NXN: variants seen among roughly 807,000 people sequenced by gnomAD.
NXN encodes the protein nucleoredoxin.
NXN carries 16 observed loss-of-function variants against 48.6 expected under a neutral mutation model. The ratio of observed to expected loss-of-function variants is 0.33; its 90% CI spans 0.22 to 0.50. The LOEUF (loss-of-function observed/expected upper bound fraction) is 0.50. Among genes scored for constraint, NXN ranks in the 20% least tolerant of loss-of-function variants. The pLI is 0.98. For synonymous variants in NXN, 281 were observed against 269.6 expected, an observed-to-expected ratio of 1.04 and a Z score of -0.41; for missense variants, 492 against 605.5, an observed-to-expected ratio of 0.81 and a Z score of 1.97.
intron 1 of NXN, among the ~76,000 whole-genome samples, chr17:968,716 T>C (rs1210052248): frequency 6.6e-6 from 1 of 152,110 alleles, no homozygotes; most frequent in Non-Finnish European, 1.5e-5. Flanking sequence ...GGCAGGCGGA[T>C]CGCTTGAGGT....
At chr17:842,544 A>G (rs1914389443) in intron 1 of NXN, 1 of 985,272 alleles carries the variant, frequency 1.0e-6, no homozygotes, top group Non-Finnish European at 1.2e-6. Flanking sequence ...CGCCAACCAG[A>G]GGCACCTACG....
At chr17:812,791 G>T (rs968139041) in intron 5 of NXN, among the ~76,000 whole-genome samples, 1 of 147,404 alleles carries the variant, frequency 6.8e-6, no homozygotes, top group African/African-American at 2.5e-5. Context: ...CATGTGTGTA[G>T]GTGTGTGTGC....
At chr17:863,649 A>G (rs2068064267) in intron 1 of NXN, among the ~76,000 whole-genome samples, 1 of 151,846 alleles carries the variant, frequency 6.6e-6, no homozygotes, top group African/African-American at 2.4e-5. Flanking sequence ...ATTTGTAGAG[A>G]TGGGGGTCTC....
intron 1 of NXN, among the ~76,000 whole-genome samples, chr17:957,580 C>T (rs76609628): frequency 0.03 from 4,449 of 148,960 alleles, 165 homozygotes; most frequent in African/African-American, 0.078. Context: ...TGCAGTGAGC[C>T]AAGATCAAGC....
chr17:826,732 C>T (rs1010161577), intron 1 of NXN, among the ~76,000 whole-genome samples: 4 of 152,146 alleles, frequency 2.6e-5, no homozygotes, highest in African/African-American at 7.2e-5. Flanking sequence ...TCACAGTCGT[C>T]GTTACGTTCA....
chr17:872,324 GAA>G (rs1567842693), intron 1 of NXN, among the ~76,000 whole-genome samples: 1 of 144,496 alleles, frequency 6.9e-6, no homozygotes, highest in Admixed American at 7.0e-5. Context: ...GAGAGAGAGA[GAA>G]ACATCAAAGA....
Position 958,577 on chromosome 17 carries a change from C to T in NXN, c.360+20742G>A, listed in dbSNP as rs1041136274. On this transcript the variant is annotated intron_variant, in intron 1 of 7. Coordinates refer to ENST00000336868, the MANE Select transcript of NXN (RefSeq NM_022463.5). This position sits in a 1 kb window ranked among gnomAD's most constrained non-coding sequence, Gnocchi z 6.9. ...CACGAGGTCAGGAGTTCGAGACCAG[C>T]CTGGCCAACATGGTGAAACCCCATC... Among the ~76,000 whole-genome samples the T allele has an allele frequency of 1.4e-4, 21 of 152,122 alleles. No homozygotes were observed. Among genetic ancestry groups the T allele is most frequent in the African/African-American group, 4.6e-4 (19 of 41,414 alleles).
chr17:910,209 G>A (rs999671432), intron 1 of NXN, among the ~76,000 whole-genome samples: 1 of 152,032 alleles, frequency 6.6e-6, no homozygotes, highest in African/African-American at 2.4e-5. Flanking sequence ...ACCAGGAGAC[G>A]GAGACCAGCC....
intron 1 of NXN, among the ~76,000 whole-genome samples, chr17:918,289 T>C (rs1221618492): frequency 1.3e-5 from 2 of 152,152 alleles, no homozygotes; most frequent in East Asian, 1.9e-4. Context: ...ATTAAGATTA[T>C]TTTCCTTTGT....
At chr17:946,721 C>T (rs913051039) in intron 1 of NXN, among the ~76,000 whole-genome samples, 6 of 152,240 alleles carry the variant, frequency 3.9e-5, no homozygotes, top group Admixed American at 1.3e-4. Context: ...CCGCAGCGGG[C>T]GACTGTACCG....
At chr17:931,790 A>G (rs62067216) in intron 1 of NXN, among the ~76,000 whole-genome samples, 41,864 of 136,670 alleles carry the variant, frequency 0.31, 7,318 homozygotes, top group East Asian at 0.42. Flanking sequence ...AGCTGAGATC[A>G]CGCCACTGCA....
intron 5 of NXN, among the ~76,000 whole-genome samples, chr17:806,182 CA>C (rs1233321470): frequency 3.5e-5 from 4 of 114,822 alleles, no homozygotes; most frequent in African/African-American, 8.2e-5. Flanking sequence ...CACCCCAGCA[CA>C]ACCCCCTCCC....
intron 5 of NXN, among the ~76,000 whole-genome samples, chr17:812,861 GGTGT>G (rs68154102): frequency 9.4e-5 from 14 of 148,698 alleles, no homozygotes; most frequent in African/African-American, 2.3e-4. Context: ...CATGTGTGTA[GGTGT>G]GTGTGGGTGT....
In NXN at chr17:803,823, G is replaced by T; in HGVS notation, c.1001-17C>A. ...CCTCAGAATCTGTGATTGGGTCGGG[G>T]GTAGAAAAAGACGGGGAGAAAAAGC... On this transcript the variant is annotated splice_polypyrimidine_tract_variant and intron_variant, in intron 6 of 7. Transcript: ENST00000336868. The T allele has an allele frequency of 6.2e-7, 1 of 1,613,686 alleles. No homozygotes were observed. The highest frequency in any genetic ancestry group is 1.1e-5 in the South Asian group (1 of 91,074).
chr17:881,255 T>G (rs967504962), intron 1 of NXN, among the ~76,000 whole-genome samples: 2 of 152,104 alleles, frequency 1.3e-5, no homozygotes, highest in Non-Finnish European at 2.9e-5. Context: ...GTGCAAACAC[T>G]TTGTTGTTGT....
intron 1 of NXN, among the ~76,000 whole-genome samples, chr17:913,660 T>C (rs1429730699): frequency 6.9e-6 from 1 of 145,066 alleles, no homozygotes; most frequent in Non-Finnish European, 1.5e-5. Flanking sequence ...GTTCTCCACC[T>C]ACCCCCACGT....
chr17:879,189 G>C (rs546934887), intron 1 of NXN, among the ~76,000 whole-genome samples: 1 of 152,178 alleles, frequency 6.6e-6, no homozygotes, highest in Admixed American at 6.5e-5. Flanking sequence ...AGTAGACAGA[G>C]AGGGAAGGAG....
chr17:897,931 T>G (rs2068504755), intron 1 of NXN, among the ~76,000 whole-genome samples: 1 of 152,216 alleles, frequency 6.6e-6, no homozygotes, highest in African/African-American at 2.4e-5. Context: ...TCCGCCCACC[T>G]CGGCCTCCCG....
intron 1 of NXN, among the ~76,000 whole-genome samples, chr17:976,600 C>A (rs1047853243): frequency 2.6e-5 from 4 of 152,178 alleles, no homozygotes; most frequent in African/African-American, 4.8e-5. Flanking sequence ...GTTCACCCAT[C>A]CAGTGCCCTC....
Sources: allele counts gnomAD v4.1 joint callset (sites outside exome capture counted in the v4.1 genomes callset), GRCh38; gene constraint gnomAD v4.1.1; non-coding constraint Gnocchi (gnomAD v3.1); transcripts MANE v1.5; gene names NCBI Gene and HGNC (gene_info 2026-07-23, HGNC 2026-07-21).